Variants in SGCZ observed in about 807,000 individuals in gnomAD.
SGCZ encodes the protein sarcoglycan zeta.
In SGCZ, 40 loss-of-function variants were observed where a neutral mutation model predicts 41.3. The ratio of observed to expected loss-of-function variants is 0.97; its 90% CI spans 0.75 to 1.26. The LOEUF (loss-of-function observed/expected upper bound fraction) is 1.26, where lower values mean the gene tolerates loss of function less well. Among genes scored for constraint, SGCZ ranks in the 50% most tolerant of loss-of-function variants. The pLI is 0.00. For synonymous variants in SGCZ, 206 were observed against 137.5 expected, an observed-to-expected ratio of 1.50 and a Z score of -3.49; for missense variants, 552 against 369.8, an observed-to-expected ratio of 1.49 and a Z score of -4.04.
chr8:14,826,404 G>C (rs2130585521), intron 1 of SGCZ, among the ~76,000 whole-genome samples: 1 of 152,234 alleles, frequency 6.6e-6, no homozygotes, highest in East Asian at 1.9e-4. Context: ...ACATGTGCAT[G>C]TGTCTTTGTA....
chr8:14,337,166 G>A (rs1244748492), intron 2 of SGCZ, among the ~76,000 whole-genome samples: 1 of 152,120 alleles, frequency 6.6e-6, no homozygotes, highest in Non-Finnish European at 1.5e-5. Context: ...CTCCCCAGCT[G>A]ATTGATGGAA....
At chr8:14,369,311 A>C (rs1585415087) in intron 2 of SGCZ, among the ~76,000 whole-genome samples, 1 of 152,036 alleles carries the variant, frequency 6.6e-6, no homozygotes, top group East Asian at 1.9e-4. Flanking sequence ...TTTTGTCTTC[A>C]TGACCTTAAC....
At chr8:15,137,125 G>A (rs563737615) in intron 1 of SGCZ, among the ~76,000 whole-genome samples, 1 of 152,210 alleles carries the variant, frequency 6.6e-6, no homozygotes, top group East Asian at 1.9e-4. Flanking sequence ...CTTAGAGGGA[G>A]ATAAGGAACT....
intron 1 of SGCZ, among the ~76,000 whole-genome samples, chr8:15,150,355 C>G (rs1032635985): frequency 6.6e-6 from 1 of 152,142 alleles, no homozygotes; most frequent in African/African-American, 2.4e-5. Context: ...GAATTTAAGT[C>G]AGTCGGTTAT....
At chr8:14,172,403 T>G (rs1237496345) in intron 4 of SGCZ, among the ~76,000 whole-genome samples, 1 of 152,162 alleles carries the variant, frequency 6.6e-6, no homozygotes, top group Non-Finnish European at 1.5e-5. Flanking sequence ...CAAATGAAAA[T>G]TACATTGCCT....
chr8:14,493,749 G>T (rs1585590415), intron 2 of SGCZ, among the ~76,000 whole-genome samples: 1 of 151,954 alleles, frequency 6.6e-6, no homozygotes, highest in Non-Finnish European at 1.5e-5. Context: ...AGCCTTACCT[G>T]GAATCCCTAA....
chr8:14,821,202 C>T (rs557467071), intron 1 of SGCZ, among the ~76,000 whole-genome samples: 1 of 152,040 alleles, frequency 6.6e-6, no homozygotes, highest in Admixed American at 6.5e-5. Context: ...TTCACATCAA[C>T]AAATTTGATA....
At chr8:15,139,026 A>G (rs1267880063) in intron 1 of SGCZ, among the ~76,000 whole-genome samples, 1 of 152,156 alleles carries the variant, frequency 6.6e-6, no homozygotes, top group Non-Finnish European at 1.5e-5. Flanking sequence ...GCATGCCCTA[A>G]GTTAAGTACT....
intron 1 of SGCZ, among the ~76,000 whole-genome samples, chr8:14,887,627 A>G (rs1436854311): frequency 6.6e-6 from 1 of 152,196 alleles, no homozygotes; most frequent in African/African-American, 2.4e-5. Flanking sequence ...TATAAAAACT[A>G]TGAATAATTT....
At chr8:14,389,452 G>C (rs952406883) in intron 2 of SGCZ, among the ~76,000 whole-genome samples, 1 of 140,838 alleles carries the variant, frequency 7.1e-6, no homozygotes, top group African/African-American at 2.7e-5. Context: ...AAGACAAAGA[G>C]AAAATCACAA....
Position 14,088,524 on chromosome 8 carries a change from A to G in SGCZ, c.*1919T>C, listed in dbSNP as rs545558478. Among the ~76,000 whole-genome samples, 113 of 152,000 alleles carry G rather than the reference A, an allele frequency of 7.4e-4. No homozygotes were observed. The highest frequency in any genetic ancestry group is 3.4e-3 in the Middle Eastern group (1 of 294). ...ATTATACTTTATTTTGCAAAGACCA[A>G]TGTGAGATTTCTTATATTAAATTCT... is the stretch of plus-strand genomic sequence containing the variant. On this transcript the variant is annotated 3_prime_UTR_variant, in exon 8 of 8. Transcript: ENST00000382080.
intron 6 of SGCZ, among the ~76,000 whole-genome samples, chr8:14,104,180 GTAAT>G (rs1334959032): frequency 6.6e-6 from 1 of 152,156 alleles, no homozygotes; most frequent in Non-Finnish European, 1.5e-5. Context: ...GGATTTCTAT[GTAAT>G]TAGTCAGTGA....
chr8:14,919,018 T>C (rs1025026731), intron 1 of SGCZ, among the ~76,000 whole-genome samples: 2 of 152,226 alleles, frequency 1.3e-5, no homozygotes, highest in African/African-American at 2.4e-5. Flanking sequence ...GATAAGACTT[T>C]ACCCTTTTAT....
intron 4 of SGCZ, among the ~76,000 whole-genome samples, chr8:14,206,471 C>T (rs749300638): frequency 6.6e-6 from 1 of 152,136 alleles, no homozygotes; most frequent in Non-Finnish European, 1.5e-5. Context: ...AGAATCTCCA[C>T]ATTTATACAA....
chr8:14,591,431 T>C (rs1241587642), intron 1 of SGCZ, among the ~76,000 whole-genome samples: 2 of 152,022 alleles, frequency 1.3e-5, no homozygotes, highest in East Asian at 3.8e-4. Flanking sequence ...GATTTGCTAA[T>C]AGTTGAGTTA....
At chr8:14,422,343 T>C (rs1799658274) in intron 2 of SGCZ, among the ~76,000 whole-genome samples, 3 of 152,208 alleles carry the variant, frequency 2.0e-5, no homozygotes, top group Admixed American at 1.3e-4. Context: ...ATACAATACA[T>C]ATATTTACTA....
intron 1 of SGCZ, among the ~76,000 whole-genome samples, chr8:15,090,091 AC>A (rs1366323403): frequency 2.0e-5 from 3 of 152,198 alleles, no homozygotes; most frequent in Admixed American, 2.0e-4. Context: ...CTTTTCAGTT[AC>A]TGACAAAGTG....
At chr8:14,337,876 A>G (rs561915581) in intron 2 of SGCZ, among the ~76,000 whole-genome samples, 3 of 152,306 alleles carry the variant, frequency 2.0e-5, no homozygotes, top group South Asian at 2.1e-4. Flanking sequence ...CACAACAGAT[A>G]TAAATAGCCA....
chr8:14,682,424 C>A (rs371782543), intron 1 of SGCZ, among the ~76,000 whole-genome samples: 7 of 137,324 alleles, frequency 5.1e-5, no homozygotes, highest in African/African-American at 1.9e-4. Flanking sequence ...ATATAATGCA[C>A]CCTGCAATGC....
Sources: allele counts gnomAD v4.1 joint callset (sites outside exome capture counted in the v4.1 genomes callset), GRCh38; gene constraint gnomAD v4.1.1; transcripts MANE v1.5; gene names NCBI Gene and HGNC (gene_info 2026-07-23, HGNC 2026-07-21).